LRIF1: variants seen among roughly 807,000 people sequenced by gnomAD.
The protein encoded by LRIF1 is ligand-dependent nuclear receptor-interacting factor 1.
A neutral mutation model predicts 52.7 loss-of-function variants in LRIF1; 32 were observed. That is an observed-to-expected ratio of 0.61 (90% CI 0.46 to 0.82). LRIF1 has a LOEUF of 0.82. LRIF1 is among the 40% of genes least tolerant of loss of function. The probability of loss-of-function intolerance (pLI) is 0.00; values close to 1 mark genes in which losing one functional copy is unlikely to be tolerated. For missense variants in LRIF1, 887 were observed against 892.0 expected, an observed-to-expected ratio of 0.99 and a Z score of 0.07; for synonymous variants, 323 against 317.4, an observed-to-expected ratio of 1.02 and a Z score of -0.19.
intron 3 of LRIF1, among the ~76,000 whole-genome samples, chr1:110,948,862 A>G (rs1351640806): frequency 1.3e-5 from 2 of 152,198 alleles, no homozygotes; most frequent in African/African-American, 4.8e-5. Context: ...ATTTCTTTTT[A>G]TCATTATTAG....
At chr1:110,899,455 A>C in the LRIF1 span, 1 of 350,414 alleles carries the variant, frequency 2.9e-6, no homozygotes, top group Non-Finnish European at 5.3e-6. Context: ...TCTTTTAGAC[A>C]AGAGAGGCAA....
At chr1:110,955,844 G>A (rs1362461340) in intron 1 of LRIF1, among the ~76,000 whole-genome samples, 1 of 152,162 alleles carries the variant, frequency 6.6e-6, no homozygotes, top group African/African-American at 2.4e-5. Context: ...AAATACTCAA[G>A]TGAGCCAGTT....
At chr1:110,955,906 G>A (rs961644716) in intron 1 of LRIF1, among the ~76,000 whole-genome samples, 5 of 152,152 alleles carry the variant, frequency 3.3e-5, no homozygotes, top group Non-Finnish European at 7.4e-5. Flanking sequence ...ATGAGAAGGA[G>A]GCAGGAAATG....
At chr1:110,932,484 G>A in the LRIF1 span, among the ~76,000 whole-genome samples, 2 of 152,066 alleles carry the variant, frequency 1.3e-5, no homozygotes, top group African/African-American at 4.8e-5. Context: ...TTGGTTCCAT[G>A]TGAACTTTAA....
At chr1:110,900,750 C>CAAAA in the LRIF1 span, among the ~76,000 whole-genome samples, 3 of 112,540 alleles carry the variant, frequency 2.7e-5, no homozygotes, top group Non-Finnish European at 3.7e-5. Context: ...AGCTCACACT[C>CAAAA]AAAAAAAAAA....
At chr1:110,934,612 G>T in the LRIF1 span, among the ~76,000 whole-genome samples, 13 of 152,190 alleles carry the variant, frequency 8.5e-5, no homozygotes, top group African/African-American at 2.9e-4. Context: ...CTCCGCCTTT[G>T]GAAAGGGGAA....
At chr1:110,886,649 G>T in the LRIF1 span, among the ~76,000 whole-genome samples, 1 of 151,918 alleles carries the variant, frequency 6.6e-6, no homozygotes, top group Non-Finnish European at 1.5e-5. Flanking sequence ...AGGCATGCGA[G>T]ACCAGCCTGG....
the LRIF1 span, among the ~76,000 whole-genome samples, chr1:110,931,915 T>C: frequency 6.6e-6 from 1 of 152,178 alleles, no homozygotes; most frequent in East Asian, 1.9e-4. Flanking sequence ...ATTGCAAAGA[T>C]TTTCTCCCAT....
intron 2 of LRIF1, among the ~76,000 whole-genome samples, chr1:110,950,491 A>G (rs563295473): frequency 6.6e-6 from 1 of 152,314 alleles, no homozygotes; most frequent in South Asian, 2.1e-4. Flanking sequence ...GTATTGAACA[A>G]TCAGAATTTA....
chr1:110,886,867 ATAT>A, the LRIF1 span, among the ~76,000 whole-genome samples: 485 of 41,354 alleles, frequency 0.012, 6 homozygotes, highest in African/African-American at 0.041. Flanking sequence ...ATATATATAT[ATAT>A]TTTTTTTTTC....
chr1:110,948,309 T>C lies in LRIF1; in HGVS notation c.1960A>G (p.Ile654Val), dbSNP rs1221462433. The change falls in exon 4 of 4, where the codon ATA (isoleucine) becomes GTA (valine). Residue 654 changes from isoleucine to valine, a missense_variant. Coordinates refer to ENST00000369763, the MANE Select transcript of LRIF1 (RefSeq NM_018372.4). Reference protein sequence around the residue: ...RKTENAYNAIINGEANVTGSQ... With the variant: ...RKTENAYNAIVNGEANVTGSQ... ...CCGGTGACATTAGCTTCCCCATTTA[T>C]GATTGCGTTATAAGCATTCTCTGTT... The C allele has an allele frequency of 9.3e-6, 15 of 1,614,170 alleles. No individual in the cohort carries two copies. The highest frequency in any genetic ancestry group is 1.2e-5 in the Non-Finnish European group (14 of 1,180,016).
the LRIF1 span, chr1:110,891,433 C>T: frequency 1.2e-6 from 2 of 1,613,932 alleles, no homozygotes; most frequent in Non-Finnish European, 1.7e-6. Flanking sequence ...CTTGAAACTG[C>T]TGAAGTATGT....
intron 1 of LRIF1, among the ~76,000 whole-genome samples, chr1:110,953,846 T>G (rs1442866333): frequency 6.6e-6 from 1 of 152,224 alleles, no homozygotes; most frequent in African/African-American, 2.4e-5. Context: ...AAGAGATACA[T>G]TTTCTGACCA....
the LRIF1 span, among the ~76,000 whole-genome samples, chr1:110,913,666 A>C: frequency 6.6e-6 from 1 of 152,244 alleles, no homozygotes; most frequent in Admixed American, 6.5e-5. Flanking sequence ...GTTGTAGAGA[A>C]AAGGGAACAC....
the LRIF1 span, among the ~76,000 whole-genome samples, chr1:110,929,143 A>G: frequency 6.6e-6 from 1 of 152,172 alleles, no homozygotes; most frequent in African/African-American, 2.4e-5. Flanking sequence ...CACATACCAC[A>G]TTTGCCTTAT....
chr1:110,876,418 T>C, the LRIF1 span, among the ~76,000 whole-genome samples: 2 of 152,226 alleles, frequency 1.3e-5, no homozygotes, highest in Non-Finnish European at 2.9e-5. Flanking sequence ...TAATTGTAAA[T>C]GTAATTGATC....
chr1:110,886,860 TA>T, the LRIF1 span, among the ~76,000 whole-genome samples: 16 of 75,800 alleles, frequency 2.1e-4, no homozygotes, highest in East Asian at 2.7e-3. Context: ...TATATATATA[TA>T]TATATATATT....
At chr1:110,962,464 T>TAA (rs1467078069) in intron 1 of LRIF1, among the ~76,000 whole-genome samples, 1 of 152,198 alleles carries the variant, frequency 6.6e-6, no homozygotes, top group Non-Finnish European at 1.5e-5. Context: ...CACCATTACT[T>TAA]ACGGTCTTTA....
At chr1:110,916,346 T>C in the LRIF1 span, among the ~76,000 whole-genome samples, 1 of 152,138 alleles carries the variant, frequency 6.6e-6, no homozygotes, top group African/African-American at 2.4e-5. Flanking sequence ...AAGATGAACA[T>C]ATTGATTAAT....
Sources: gnomAD v4.1 joint callset for allele counts (sites outside exome capture counted in the v4.1 genomes callset) on GRCh38, gnomAD v4.1.1 for gene constraint, MANE v1.5 for transcripts, NCBI Gene and HGNC (gene_info 2026-07-23, HGNC 2026-07-21) for gene names.